SMYD1: variants seen among roughly 807,000 people sequenced by gnomAD.
The protein encoded by SMYD1 is histone-lysine N-methyltransferase SMYD1.
SMYD1 carries 49 observed loss-of-function variants against 54.0 expected under a neutral mutation model. The ratio of observed to expected loss-of-function variants is 0.91; its 90% CI spans 0.72 to 1.15. The LOEUF is 1.15. Ranked by LOEUF, SMYD1 falls within the 50% of genes most tolerant of loss-of-function variation. The pLI is 0.00. For missense variants in SMYD1, 653 were observed against 639.6 expected, an observed-to-expected ratio of 1.02 and a Z score of -0.23; for synonymous variants, 269 against 234.2, an observed-to-expected ratio of 1.15 and a Z score of -1.36.
chr2:88,106,219 A>G, intron 7 of SMYD1, 106 bp from the exon 8 acceptor site: 1 of 1,440,596 alleles, frequency 6.9e-7, no homozygotes, highest in South Asian at 1.3e-5. Flanking sequence ...CAATTGCCCC[A>G]GTCTTAAAAA....
At chr2:88,089,585 G>GTTTTTTTTTT (rs59808789) in intron 3 of SMYD1, among the ~76,000 whole-genome samples, 4 of 107,018 alleles carry the variant, frequency 3.7e-5, no homozygotes, top group East Asian at 3.7e-4. Flanking sequence ...GCTTCTACCT[G>GTTTTTTTTTT]TTTTTTTTTT....
intron 2 of SMYD1, among the ~76,000 whole-genome samples, 159 bp from the exon 3 acceptor site, chr2:88,087,703 C>G (rs1482732177): frequency 6.6e-6 from 1 of 152,208 alleles, no homozygotes; most frequent in Non-Finnish European, 1.5e-5. Flanking sequence ...ACCTCTCCCC[C>G]ACTATATGAA....
At chr2:88,073,358 C>T (rs537053746) in intron 1 of SMYD1, among the ~76,000 whole-genome samples, 6 of 152,120 alleles carry the variant, frequency 3.9e-5, no homozygotes, top group Non-Finnish European at 8.8e-5. Context: ...GTGGATAGTG[C>T]TGTGATAAAC....
chr2:88,104,754 T>C (rs1393207762), intron 7 of SMYD1, among the ~76,000 whole-genome samples: 3 of 152,202 alleles, frequency 2.0e-5, no homozygotes, highest in Admixed American at 1.3e-4. Flanking sequence ...ATTTCTCCCA[T>C]GAGAGCAGCA....
At chr2:88,099,386 G>A (rs545109712) in intron 6 of SMYD1, among the ~76,000 whole-genome samples, 1 of 152,182 alleles carries the variant, frequency 6.6e-6, no homozygotes, top group African/African-American at 2.4e-5. Context: ...GTGCCTGGTG[G>A]GTTTTTCCCT....
At chr2:88,107,655 C>T (rs969378549) in intron 8 of SMYD1, among the ~76,000 whole-genome samples, 6 of 152,238 alleles carry the variant, frequency 3.9e-5, no homozygotes, top group African/African-American at 1.2e-4. Context: ...GGCGCCCCTC[C>T]CCCAGCCTCG....
intron 8 of SMYD1, 49 bp from the exon 9 acceptor site, chr2:88,108,322 A>C: frequency 6.7e-7 from 1 of 1,492,678 alleles, no homozygotes; most frequent in Non-Finnish European, 8.9e-7. Flanking sequence ...TTAAGTGCAG[A>C]TATAAGGGTG....
At chr2:88,090,940 C>T (rs1485750474) in intron 3 of SMYD1, 72 bp from the exon 4 acceptor site, 7 of 1,519,570 alleles carry the variant, frequency 4.6e-6, no homozygotes, top group Non-Finnish European at 6.2e-6. Flanking sequence ...TTTTTTAAAA[C>T]TCCTTTCAAC....
At chr2:88,106,217 C>CTGA in intron 7 of SMYD1, 108 bp from the exon 8 acceptor site, 1 of 1,432,222 alleles carries the variant, frequency 7.0e-7, no homozygotes, top group African/African-American at 1.4e-5. Flanking sequence ...AGCAATTGCC[C>CTGA]CAGTCTTAAA....
intron 1 of SMYD1, among the ~76,000 whole-genome samples, chr2:88,069,374 G>A (rs1673899144): frequency 6.6e-6 from 1 of 152,154 alleles, no homozygotes; most frequent in South Asian, 2.1e-4. Flanking sequence ...ACCACTTGAG[G>A]AAAATAAGGG....
intron 5 of SMYD1, 78 bp from the exon 6 acceptor site, chr2:88,096,517 C>T (rs922320081): frequency 5.4e-6 from 7 of 1,300,954 alleles, no homozygotes; most frequent in African/African-American, 1.5e-5. Context: ...AGACCCAACT[C>T]CATGAAGCCT....
chr2:88,079,426 G>A (rs1306108922), intron 1 of SMYD1, among the ~76,000 whole-genome samples: 2 of 152,192 alleles, frequency 1.3e-5, no homozygotes, highest in African/African-American at 4.8e-5. Context: ...TTCTGTTGGA[G>A]CCAGGCTAGG....
chr2:88,107,275 T>A (rs1674899265), intron 8 of SMYD1, among the ~76,000 whole-genome samples: 1 of 152,218 alleles, frequency 6.6e-6, no homozygotes, highest in Non-Finnish European at 1.5e-5. Context: ...GTGTTTATGT[T>A]GTCATGCAAA....
At chr2:88,088,329 C>A (rs1294676166) in intron 3 of SMYD1, among the ~76,000 whole-genome samples, 2 of 152,198 alleles carry the variant, frequency 1.3e-5, no homozygotes, top group Non-Finnish European at 2.9e-5. Context: ...CAGGGACAGG[C>A]CTCCAAATGA....
At chr2:88,087,616 C>G (rs1674361490) in intron 2 of SMYD1, among the ~76,000 whole-genome samples, 1 of 152,164 alleles carries the variant, frequency 6.6e-6, no homozygotes, top group South Asian at 2.1e-4. Flanking sequence ...CTTCCCCACC[C>G]CAGTCACTCT....
intron 7 of SMYD1, among the ~76,000 whole-genome samples, chr2:88,106,042 G>A (rs1674860436): frequency 6.6e-6 from 1 of 152,094 alleles, no homozygotes; most frequent in Admixed American, 6.5e-5. Context: ...TTGTGTGTGT[G>A]TGTATGTATA....
Position 88,110,469 on chromosome 2 carries a change from C to T in SMYD1, c.1430C>T (p.Pro477Leu). The T allele has an allele frequency of 6.2e-7, 1 of 1,600,546 alleles. No individual in the cohort carries two copies. The highest frequency in any genetic ancestry group is 8.5e-7 in the Non-Finnish European group (1 of 1,173,292). ...NNQPMQVMAE[P>L]SNEPSPALFH... is the part of the protein sequence containing the mutation. The stretch of plus-strand genomic sequence containing the variant: ...CAGCCCATGCAGGTCATGGCCGAGC[C>T]CAGCAATGAGCCATCCCCAGCTCTG... The change falls in exon 10 of 10, where the codon CCC becomes CTC. Residue 477 changes from proline to leucine, a missense_variant. By Grantham distance (98) the Pro-to-Leu change is moderately conservative. Coordinates refer to ENST00000419482, the MANE Select transcript of SMYD1 (RefSeq NM_198274.4).
intron 1 of SMYD1, chr2:88,082,913 C>CA (rs1359704702): frequency 6.6e-6 from 1 of 152,134 alleles, no homozygotes; most frequent in Non-Finnish European, 1.5e-5. Flanking sequence ...AAGTTTGCAA[C>CA]AATTAGGACT....
chr2:88,108,256 T>C (rs1674928290), intron 8 of SMYD1, 115 bp from the exon 9 acceptor site: 1 of 1,052,494 alleles, frequency 9.5e-7, no homozygotes, highest in Non-Finnish European at 1.3e-6. Flanking sequence ...AGCCTTGCAG[T>C]GCTGAGGGGA....
Sources: gnomAD v4.1 joint callset for allele counts (sites outside exome capture counted in the v4.1 genomes callset) on GRCh38, gnomAD v4.1.1 for gene constraint, MANE v1.5 for transcripts, NCBI Gene and HGNC (gene_info 2026-07-23, HGNC 2026-07-21) for gene names.